Variants in AR observed in about 807,000 individuals in gnomAD.
AR encodes the protein androgen receptor.
AR carries 8 observed loss-of-function variants against 53.9 expected under a neutral mutation model. The ratio of observed to expected loss-of-function variants is 0.15; its 90% confidence interval spans 0.09 to 0.27. The LOEUF is 0.27. Ranked by LOEUF, AR falls within the 10% of genes least tolerant of loss-of-function variation. The pLI, the probability that AR is intolerant of heterozygous loss-of-function variation, is 1.00. For synonymous variants in AR, 359 were observed against 316.4 expected, an observed-to-expected ratio of 1.13 and a Z score of -1.43; for missense variants, 639 against 742.5, an observed-to-expected ratio of 0.86 and a Z score of 1.62.
At position 67,551,516 on chromosome X, in the gene AR, G is replaced by A. The variant is rs757551534; in HGVS notation, c.1616+4754G>A. ...TTACCAGCATTGGTTGCCCTTTGTC[G>A]TACGGAAGAGAATTATGAAATCTCA... On this transcript the variant is annotated intron_variant, in intron 1 of 7. Coordinates refer to ENST00000374690, the MANE Select transcript of AR (RefSeq NM_000044.6). Among the ~76,000 whole-genome samples the A allele has an allele frequency of 4.5e-5, 5 of 111,243 alleles. No homozygotes were observed. The South Asian group carries it at 1.9e-3, about 43-fold the overall frequency.
chrX:67,677,587 G>A (rs780869198), intron 2 of AR, among the ~76,000 whole-genome samples: 1 of 112,103 alleles, frequency 8.9e-6, no homozygotes, highest in Non-Finnish European at 1.9e-5. Context: ...TGTGAATATA[G>A]CCTCTTATAA....
chrX:67,610,688 A>C (rs2147386149), intron 1 of AR, among the ~76,000 whole-genome samples: 1 of 112,056 alleles, frequency 8.9e-6, no homozygotes, highest in African/African-American at 3.2e-5. Flanking sequence ...GATCTATATA[A>C]GTTTTCTTAA....
intron 2 of AR, among the ~76,000 whole-genome samples, chrX:67,667,483 G>T (rs1256242678): frequency 1.8e-5 from 2 of 111,506 alleles, no homozygotes; most frequent in African/African-American, 6.5e-5. Flanking sequence ...TTGAAATCAG[G>T]TAATGTGATT....
intron 2 of AR, among the ~76,000 whole-genome samples, chrX:67,651,532 C>A (rs1228409216): frequency 2.7e-5 from 3 of 111,598 alleles, no homozygotes; most frequent in African/African-American, 9.8e-5. Context: ...GGGTCAAAGG[C>A]AGCATTCACT....
intron 1 of AR, among the ~76,000 whole-genome samples, chrX:67,586,292 G>A (rs1922544531): frequency 9.0e-6 from 1 of 111,073 alleles, no homozygotes; most frequent in Non-Finnish European, 1.9e-5. Context: ...CACATATCCT[G>A]TGCTTCAGTC....
chrX:67,687,570 G>C (rs1230604986), intron 3 of AR, among the ~76,000 whole-genome samples: 1 of 111,874 alleles, frequency 8.9e-6, no homozygotes, highest in Non-Finnish European at 1.9e-5. Flanking sequence ...GTCTACAGTG[G>C]AGAAGAAGTA....
intron 2 of AR, among the ~76,000 whole-genome samples, chrX:67,658,029 C>G (rs1379102975): frequency 8.9e-6 from 1 of 111,795 alleles, no homozygotes; most frequent in Non-Finnish European, 1.9e-5. Context: ...GCTACTGATG[C>G]TGTCTCACAG....
chrX:67,601,248 G>C (rs1420271171), intron 1 of AR, among the ~76,000 whole-genome samples: 1 of 111,963 alleles, frequency 8.9e-6, no homozygotes, highest in African/African-American at 3.2e-5. Flanking sequence ...GAAAACACAT[G>C]AGATATTGGG....
At chrX:67,722,482 G>C (rs2076140001) in intron 6 of AR, among the ~76,000 whole-genome samples, 1 of 112,150 alleles carries the variant, frequency 8.9e-6, no homozygotes. Flanking sequence ...GGCAAAATTT[G>C]ATATTCAAAG....
intron 2 of AR, among the ~76,000 whole-genome samples, chrX:67,676,804 A>G (rs1382177779): frequency 1.8e-5 from 2 of 111,814 alleles, no homozygotes; most frequent in African/African-American, 6.5e-5. Flanking sequence ...GGCTTTTCCA[A>G]TCCCATCACC....
chrX:67,720,799 G>A (rs1032831931), intron 5 of AR, among the ~76,000 whole-genome samples: 1 of 107,987 alleles, frequency 9.3e-6, no homozygotes, highest in African/African-American at 3.5e-5. Flanking sequence ...GCTCCATCTG[G>A]GAGGTCTTTG....
At chrX:67,550,509 C>T (rs1298427407) in intron 1 of AR, among the ~76,000 whole-genome samples, 1 of 110,300 alleles carries the variant, frequency 9.1e-6, no homozygotes, top group East Asian at 2.8e-4. Context: ...GAAATGTGGA[C>T]AATTTTATTA....
At chrX:67,566,403 C>T (rs764248067) in intron 1 of AR, among the ~76,000 whole-genome samples, 37 of 111,915 alleles carry the variant, frequency 3.3e-4, no homozygotes, top group African/African-American at 1.0e-3. Flanking sequence ...TCTTCAGTGA[C>T]TATGGCCATC....
intron 1 of AR, among the ~76,000 whole-genome samples, chrX:67,550,961 AGACTAGAT>A (rs1929970607): frequency 9.4e-6 from 1 of 106,514 alleles, no homozygotes; most frequent in Non-Finnish European, 1.9e-5. Flanking sequence ...CTCTCCCTTA[AGACTAGAT>A]GACATGAGGG....
At chrX:67,665,405 G>T (rs754602163) in intron 2 of AR, among the ~76,000 whole-genome samples, 3 of 112,277 alleles carry the variant, frequency 2.7e-5, no homozygotes, top group Middle Eastern at 4.6e-3. Flanking sequence ...AATACTGAGG[G>T]AGAACAAACT....
intron 1 of AR, among the ~76,000 whole-genome samples, chrX:67,618,110 A>G (rs2061866984): frequency 8.9e-6 from 1 of 111,826 alleles, no homozygotes; most frequent in Admixed American, 9.5e-5. Flanking sequence ...TCTAGATTAC[A>G]TTTTGTTCAA....
intron 2 of AR, among the ~76,000 whole-genome samples, chrX:67,679,834 AATT>A (rs1447468809): frequency 9.0e-6 from 1 of 111,653 alleles, no homozygotes; most frequent in Non-Finnish European, 1.9e-5. Flanking sequence ...TGATGCTAAT[AATT>A]ATTCTTAGTT....
chrX:67,572,025 A>G (rs913327248), intron 1 of AR, among the ~76,000 whole-genome samples: 2 of 111,364 alleles, frequency 1.8e-5, no homozygotes, highest in African/African-American at 3.3e-5. Flanking sequence ...TCTCATCTGT[A>G]TAATGGTAAT....
At chrX:67,646,176 G>A (rs1926048122) in intron 2 of AR, among the ~76,000 whole-genome samples, 1 of 111,482 alleles carries the variant, frequency 9.0e-6, no homozygotes, top group Admixed American at 9.6e-5. Context: ...TATGTTTTTA[G>A]CTTTGGTGGT....
Sources: gnomAD v4.1 joint callset for allele counts (sites outside exome capture counted in the v4.1 genomes callset) on GRCh38, gnomAD v4.1.1 for gene constraint, MANE v1.5 for transcripts, NCBI Gene and HGNC (gene_info 2026-07-23, HGNC 2026-07-21) for gene names.